PTPRC: variants seen among roughly 807,000 people sequenced by gnomAD.
PTPRC encodes the protein protein tyrosine phosphatase receptor type C, also known as receptor-type tyrosine-protein phosphatase C.
PTPRC carries 44 observed loss-of-function variants against 155.9 expected under a neutral mutation model. The observed-to-expected ratio is 0.28, with a 90% CI of 0.22 to 0.36. The LOEUF is 0.36. Among genes scored for constraint, PTPRC ranks in the 10% least tolerant of loss-of-function variants. PTPRC has a pLI of 1.00. For missense variants in PTPRC, 1,401 were observed against 1,564.6 expected, an observed-to-expected ratio of 0.90 and a Z score of 1.76; for synonymous variants, 525 against 533.1, an observed-to-expected ratio of 0.98 and a Z score of 0.21.
At chr1:198,669,134 G>A (rs1325240626) in intron 2 of PTPRC, among the ~76,000 whole-genome samples, 2 of 152,124 alleles carry the variant, frequency 1.3e-5, no homozygotes, top group African/African-American at 4.8e-5. Context: ...AGCAGATTGG[G>A]CAAAAATTAC....
In PTPRC at chr1:198,754,286, C is replaced by T. The variant is rs773582172; in HGVS notation, c.3527C>T (p.Thr1176Met). The change falls in exon 32 of 33, where the codon ACG becomes ATG. Residue 1176 changes from threonine to methionine, a missense_variant. Physicochemically the swap from Thr to Met is moderately conservative, Grantham distance 81. This residue lies in a region of PTPRC where 400 missense variants were observed against 389.5 expected (regional missense o/e 1.03). Transcript: ENST00000442510. ...TTTTATAGGGATGGATCTCAGCAAACGGGAATATTTTGTGCTTTGTTAAAT... is the reference window on the plus strand; with the variant it reads ...TTTTATAGGGATGGATCTCAGCAAATGGGAATATTTTGTGCTTTGTTAAAT... Reference protein sequence around the residue: ...LIHCRDGSQQTGIFCALLNLL... With the variant: ...LIHCRDGSQQMGIFCALLNLL... 3.7e-6 allele frequency: 6 copies of T among 1,610,698 alleles called. No individual in the cohort carries two copies. Among genetic ancestry groups the T allele is most frequent in the East Asian group, 2.2e-5 (1 of 44,768 alleles).
intron 22 of PTPRC, 86 bp downstream of exon 22, chr1:198,734,511 G>A (rs1334049970): frequency 9.2e-7 from 1 of 1,083,624 alleles, no homozygotes; most frequent in Non-Finnish European, 1.4e-6. Flanking sequence ...ACATGTATCT[G>A]CCTGATGACT....
intron 1 of PTPRC, 37 bp downstream of exon 1, chr1:198,639,174 C>T (rs1008890871): frequency 1.0e-5 from 10 of 979,896 alleles, no homozygotes; most frequent in African/African-American, 8.1e-5. Context: ...ATTTTTGATT[C>T]GTTTTTACAG....
At chr1:198,737,430 A>G (rs1444612097) in intron 23 of PTPRC, among the ~76,000 whole-genome samples, 3 of 151,674 alleles carry the variant, frequency 2.0e-5, no homozygotes, top group African/African-American at 7.3e-5. Context: ...TTTTCACAGT[A>G]CAATCTATTG....
At chr1:198,695,381 A>ATT (rs550902631) in intron 3 of PTPRC, among the ~76,000 whole-genome samples, 7 of 140,926 alleles carry the variant, frequency 5.0e-5, no homozygotes, top group Non-Finnish European at 9.2e-5. Context: ...AAATATTTAA[A>ATT]TTTTTTTTTT....
chr1:198,722,116 ATGTAT>A (rs1263650434), intron 14 of PTPRC, among the ~76,000 whole-genome samples: 7 of 150,840 alleles, frequency 4.6e-5, no homozygotes, highest in Non-Finnish European at 7.4e-5. Context: ...GAATATTTTG[ATGTAT>A]TGGATTTTAT....
At position 198,639,050 on chromosome 1, in the gene PTPRC, C is replaced by T; in HGVS notation, c.-131C>T. The T allele has an allele frequency of 3.6e-6, 2 of 553,760 alleles. No homozygotes were observed. The highest frequency in any genetic ancestry group is 6.3e-5 in the Admixed American group (2 of 31,612). 34.3% of individuals were successfully genotyped at this position (553,760 alleles called of 1,614,324 possible). ...AGTAAAACCGAATCTGACATCATCA[C>T]CTAGCAGTTCATGCAGCTAGCAAGT... On this transcript the variant is annotated 5_prime_UTR_variant, in exon 1 of 33. Transcript: ENST00000442510.
intron 2 of PTPRC, among the ~76,000 whole-genome samples, chr1:198,647,149 T>C (rs925244470): frequency 6.6e-6 from 1 of 151,934 alleles, no homozygotes; most frequent in Non-Finnish European, 1.5e-5. Context: ...GTAAAGATCA[T>C]GTCCTCTAGA....
In PTPRC at chr1:198,696,851, T is replaced by G; in HGVS notation, c.240T>G (p.Asn80Lys). Residue 80 changes from asparagine to lysine, a missense_variant, in exon 4 of 33, where the codon AAT (asparagine) becomes AAG (lysine). Physicochemically the swap from Asn to Lys is moderately conservative, Grantham distance 94 (BLOSUM62 0). Transcript: ENST00000442510. Reference sequence around the variant, plus strand: ...CCACAACTTCTCTTAGTCCAGACAATACTTCCACCCAAGTATCCCCGGACT... The same window carrying G: ...CCACAACTTCTCTTAGTCCAGACAAGACTTCCACCCAAGTATCCCCGGACT... ...SETTTSLSPD[N>K]TSTQVSPDSL... The G allele has an allele frequency of 6.2e-7, 1 of 1,614,128 alleles. No homozygotes were observed. Among genetic ancestry groups the G allele is most frequent in the Non-Finnish European group, 8.5e-7 (1 of 1,179,980 alleles).
intron 2 of PTPRC, among the ~76,000 whole-genome samples, chr1:198,640,976 C>T (rs1236787325): frequency 6.6e-6 from 1 of 151,902 alleles, no homozygotes; most frequent in African/African-American, 2.4e-5. Context: ...TAAGACACAT[C>T]TTTGAATTTA....
intron 2 of PTPRC, among the ~76,000 whole-genome samples, chr1:198,658,238 AC>A (rs1409454791): frequency 6.6e-6 from 1 of 152,174 alleles, no homozygotes; most frequent in Non-Finnish European, 1.5e-5. Context: ...TAATAATGAT[AC>A]ACATGAACTG....
At chr1:198,663,461 G>A (rs1664098159) in intron 2 of PTPRC, among the ~76,000 whole-genome samples, 1 of 152,200 alleles carries the variant, frequency 6.6e-6, no homozygotes, top group Non-Finnish European at 1.5e-5. Context: ...GCAATCTTGA[G>A]CCTGAATACA....
intron 14 of PTPRC, among the ~76,000 whole-genome samples, chr1:198,721,383 G>GA (rs977403545): frequency 1.1e-4 from 17 of 151,314 alleles, no homozygotes; most frequent in African/African-American, 3.4e-4. Context: ...AAACTAAAGG[G>GA]AAAAAAAAGG....
intron 11 of PTPRC, among the ~76,000 whole-genome samples, chr1:198,711,620 T>C (rs1311347941): frequency 6.6e-6 from 1 of 152,172 alleles, no homozygotes; most frequent in Non-Finnish European, 1.5e-5. Flanking sequence ...TTTTGATGAA[T>C]TGGAGTGCAT....
chr1:198,692,906 A>T, intron 3 of PTPRC: 1 of 901,736 alleles, frequency 1.1e-6, no homozygotes, highest in Non-Finnish European at 1.3e-6. Flanking sequence ...TGTCTTAATC[A>T]TGAGATAAAT....
chr1:198,692,124 T>TG (rs1275134998), intron 2 of PTPRC, among the ~76,000 whole-genome samples: 1 of 152,050 alleles, frequency 6.6e-6, no homozygotes, highest in Non-Finnish European at 1.5e-5. Context: ...TGATTTAGCC[T>TG]GGGGATTCAA....
chr1:198,752,742 A>C lies in PTPRC; in HGVS notation c.3479A>C (p.His1160Pro). 6.2e-7 allele frequency: 1 copy of C among 1,612,868 alleles called. No homozygotes were observed. Among genetic ancestry groups the C allele is most frequent in the African/African-American group, 1.3e-5 (1 of 74,966 alleles). The stretch of plus-strand genomic sequence containing the variant: ...AATTCCTCTGAAGGGAACAAGCATC[A>C]CAAGAGTACACCTCTACTCATTCAC... ...QKNSSEGNKH[H>P]KSTPLLIHCR... Residue 1160 changes from histidine to proline, a missense_variant, in exon 31 of 33, where the codon CAC (histidine) becomes CCC (proline). Physicochemically the swap from His to Pro is moderately conservative, Grantham distance 77 (BLOSUM62 -2). Coordinates refer to ENST00000442510, the MANE Select transcript of PTPRC (RefSeq NM_002838.5).
intron 14 of PTPRC, among the ~76,000 whole-genome samples, chr1:198,719,570 CT>C (rs983389174): frequency 3.3e-4 from 50 of 151,770 alleles, no homozygotes; most frequent in African/African-American, 1.1e-3. Flanking sequence ...GCCTCATATT[CT>C]TTTTTTGTTT....
At chr1:198,707,648 C>A (rs1653058349) in intron 9 of PTPRC, among the ~76,000 whole-genome samples, 1 of 152,090 alleles carries the variant, frequency 6.6e-6, no homozygotes, top group Non-Finnish European at 1.5e-5. Context: ...TTAATTTATT[C>A]ATTTTCCCTA....
Sources: allele counts gnomAD v4.1 joint callset (sites outside exome capture counted in the v4.1 genomes callset), GRCh38; gene constraint gnomAD v4.1.1; regional missense constraint gnomAD v4.1.1; transcripts MANE v1.5; gene names NCBI Gene and HGNC (gene_info 2026-07-23, HGNC 2026-07-21).